Variants in MRPL1 observed in about 807,000 individuals in gnomAD.
The protein encoded by MRPL1 is mitochondrial ribosomal protein L1.
MRPL1 carries 28 observed loss-of-function variants against 38.0 expected under a neutral mutation model. The ratio of observed to expected loss-of-function variants is 0.74; its 90% CI spans 0.55 to 1.01. The LOEUF is 1.01. Ranked by LOEUF, MRPL1 falls within the 50% of genes least tolerant of loss-of-function variation. The probability of loss-of-function intolerance (pLI) is 0.00; values close to 1 mark genes in which losing one functional copy is unlikely to be tolerated. For missense variants in MRPL1, 358 were observed against 389.8 expected (o/e 0.92, Z 0.69); for synonymous variants, 123 against 126.7 (o/e 0.97, Z 0.20).
intron 2 of MRPL1, among the ~76,000 whole-genome samples, chr4:77,872,243 C>T (rs893217958): frequency 2.6e-5 from 4 of 152,034 alleles, no homozygotes; most frequent in Non-Finnish European, 5.9e-5. Flanking sequence ...CTTTCGCTGC[C>T]TTTTTAGAAC....
chr4:77,874,286 C>G (rs900075577), intron 2 of MRPL1, among the ~76,000 whole-genome samples: 1 of 152,020 alleles, frequency 6.6e-6, no homozygotes, highest in Admixed American at 6.6e-5. Context: ...GCACCCGGAC[C>G]GCCTGCATTT....
intron 1 of MRPL1, among the ~76,000 whole-genome samples, chr4:77,864,000 GTT>G (rs34560176): frequency 0.14 from 17,329 of 125,974 alleles, 1,433 homozygotes; most frequent in African/African-American, 0.29. Context: ...CTGCATCACA[GTT>G]TTTTTTTTTT....
intron 6 of MRPL1, among the ~76,000 whole-genome samples, chr4:77,899,057 G>T (rs1244291985): frequency 7.0e-6 from 1 of 142,706 alleles, no homozygotes; most frequent in African/African-American, 2.6e-5. Context: ...GCAGAGACAT[G>T]ATCTTGTCTC....
At chr4:77,881,730 C>T (rs999853472) in intron 2 of MRPL1, among the ~76,000 whole-genome samples, 1 of 152,156 alleles carries the variant, frequency 6.6e-6, no homozygotes, top group Non-Finnish European at 1.5e-5. Context: ...CGTGAGCCCT[C>T]GTGCTTGGCC....
chr4:77,866,661 T>G (rs938630127), intron 1 of MRPL1, among the ~76,000 whole-genome samples: 7 of 152,156 alleles, frequency 4.6e-5, no homozygotes, highest in Admixed American at 3.3e-4. Flanking sequence ...CACTCTTGCC[T>G]TAGAATCTTT....
chr4:77,931,008 A>G (rs1736832615), intron 7 of MRPL1, among the ~76,000 whole-genome samples: 1 of 152,210 alleles, frequency 6.6e-6, no homozygotes, highest in South Asian at 2.1e-4. Flanking sequence ...TAAAAGAAAT[A>G]CCAAGAGCAA....
At chr4:77,913,011 A>T (rs1316445276) in intron 7 of MRPL1, among the ~76,000 whole-genome samples, 2 of 152,180 alleles carry the variant, frequency 1.3e-5, no homozygotes, top group African/African-American at 2.4e-5. Flanking sequence ...AATGAAATTC[A>T]ACCAATACTT....
intron 7 of MRPL1, among the ~76,000 whole-genome samples, chr4:77,938,715 T>C (rs568133395): frequency 2.6e-5 from 4 of 152,312 alleles, no homozygotes; most frequent in South Asian, 4.1e-4. Flanking sequence ...TAACCCTTAG[T>C]TGTAGCAACT....
chr4:77,947,224 C>T lies in MRPL1; in HGVS notation c.778-2573C>T, dbSNP rs147006711. 1.4e-4 allele frequency among the ~76,000 whole-genome samples: 21 copies of T among 152,128 alleles called. No homozygotes were observed. The East Asian group carries it at 3.1e-3, about 22-fold the overall frequency. On this transcript the variant is annotated intron_variant, in intron 7 of 8. Coordinates refer to ENST00000315567, the MANE Select transcript of MRPL1 (RefSeq NM_020236.4). The stretch of plus-strand genomic sequence containing the variant: ...TCTAGTCTGCTTAGGGAATGGTTTC[C>T]GACATAGTAAGGGTTGCTAAGCAGA...
intron 6 of MRPL1, among the ~76,000 whole-genome samples, chr4:77,906,015 T>C (rs938407481): frequency 6.6e-6 from 1 of 152,194 alleles, no homozygotes; most frequent in Admixed American, 6.5e-5. Context: ...TTAGAAGTTA[T>C]CAGTGGATAG....
intron 3 of MRPL1, among the ~76,000 whole-genome samples, chr4:77,884,725 G>A (rs1479184161): frequency 6.6e-6 from 1 of 152,200 alleles, no homozygotes; most frequent in Non-Finnish European, 1.5e-5. Flanking sequence ...GATGGCAATT[G>A]GGGGTGACCT....
chr4:77,941,135 C>T (rs1308713513), intron 7 of MRPL1, among the ~76,000 whole-genome samples: 1 of 151,992 alleles, frequency 6.6e-6, no homozygotes, highest in African/African-American at 2.4e-5. Context: ...CGTGGTGGCA[C>T]ATGCCTGTAA....
chr4:77,930,620 G>C (rs1447193042), intron 7 of MRPL1, among the ~76,000 whole-genome samples: 1 of 152,176 alleles, frequency 6.6e-6, no homozygotes, highest in African/African-American at 2.4e-5. Context: ...TAAATCAATT[G>C]CTGCAGTCTC....
rs74506503 is a variant in MRPL1 at position 77,933,403 on chromosome 4, G to A, written c.778-16394G>A. 1.2e-3 allele frequency among the ~76,000 whole-genome samples: 176 copies of A among 152,284 alleles called. 1 individual carries two copies. Among genetic ancestry groups the A allele is most frequent in the African/African-American group, 4.2e-3 (173 of 41,556 alleles). On this transcript the variant is annotated intron_variant, in intron 7 of 8. Transcript: ENST00000315567. ...TCAGAACTGGGTAAATAAAGCCCCA[G>A]CTTTCTTGGCAGAGCTGAAAAGGTG... is the stretch of plus-strand genomic sequence containing the variant.
intron 6 of MRPL1, among the ~76,000 whole-genome samples, chr4:77,908,987 A>C (rs1415787890): frequency 6.6e-6 from 1 of 152,218 alleles, no homozygotes; most frequent in Non-Finnish European, 1.5e-5. Context: ...TTGTTTCTTC[A>C]AAGCCAGTAA....
chr4:77,892,366 CA>C (rs1456252939), intron 5 of MRPL1, among the ~76,000 whole-genome samples: 3 of 152,132 alleles, frequency 2.0e-5, no homozygotes, highest in African/African-American at 7.2e-5. Context: ...CTCCTGACCT[CA>C]GGCGATCCAA....
rs764031996 is a variant in MRPL1 at position 77,862,836 on chromosome 4, CG to C, written c.-11del. 4.3e-6 allele frequency: 7 copies of C among 1,613,916 alleles called. No individual in the cohort carries two copies. The highest frequency in any genetic ancestry group is 5.1e-6 in the Non-Finnish European group (6 of 1,179,990). On this transcript the variant is annotated 5_prime_UTR_variant, in exon 1 of 9. Transcript: ENST00000315567. ...TAGGAACAATTTCGTGAACGCAATCCGGAGTGCCCAACATGGCGGCGGCCGT... is the reference window on the plus strand; with the variant it reads ...TAGGAACAATTTCGTGAACGCAATCCGAGTGCCCAACATGGCGGCGGCCGT...
intron 7 of MRPL1, among the ~76,000 whole-genome samples, chr4:77,915,814 A>T (rs1476840146): frequency 6.6e-6 from 1 of 152,260 alleles, no homozygotes; most frequent in Non-Finnish European, 1.5e-5. Flanking sequence ...CATATCAGTG[A>T]AAATGTCATA....
chr4:77,874,761 G>C (rs1322925051), intron 2 of MRPL1, among the ~76,000 whole-genome samples: 1 of 150,274 alleles, frequency 6.7e-6, no homozygotes, highest in Non-Finnish European at 1.5e-5. Flanking sequence ...ATATGTTTAA[G>C]AGCCACTTAT....
Sources: gnomAD v4.1 joint callset for allele counts (sites outside exome capture counted in the v4.1 genomes callset) on GRCh38, gnomAD v4.1.1 for gene constraint, MANE v1.5 for transcripts, NCBI Gene and HGNC (gene_info 2026-07-23, HGNC 2026-07-21) for gene names.